The following SPATA13 variants were observed in gnomAD, a reference collection of about 807,000 sequenced individuals.
SPATA13 encodes spermatogenesis-associated protein 13.
In SPATA13, 50 loss-of-function variants were observed where a neutral mutation model predicts 104.0. That is an observed-to-expected ratio of 0.48 (90% confidence interval 0.38 to 0.61). The LOEUF is 0.61. Among genes scored for constraint, SPATA13 ranks in the 20% least tolerant of loss-of-function variants. The pLI is 0.00. For synonymous variants in SPATA13, 606 were observed against 667.5 expected, an observed-to-expected ratio of 0.91 and a Z score of 1.42; for missense variants, 1,524 against 1,690.6, an observed-to-expected ratio of 0.90 and a Z score of 1.73.
chr13:24,236,252 A>G (rs1379438742), intron 2 of SPATA13, among the ~76,000 whole-genome samples: 1 of 152,202 alleles, frequency 6.6e-6, no homozygotes, highest in Non-Finnish European at 1.5e-5. Flanking sequence ...GAGTTTTTAA[A>G]TTAAATGACA....
At chr13:24,282,587 C>G (rs946076276) in intron 4 of SPATA13, among the ~76,000 whole-genome samples, 3 of 152,182 alleles carry the variant, frequency 2.0e-5, no homozygotes, top group African/African-American at 7.2e-5. Flanking sequence ...CCTCGGGCAG[C>G]TCTTGTTGCT....
At chr13:24,300,307 A>T in intron 11 of SPATA13, 94 bp from the exon 12 acceptor site, 1 of 914,468 alleles carries the variant, frequency 1.1e-6, no homozygotes, top group South Asian at 1.7e-5. Context: ...GGTTGTGGTG[A>T]TAACCTCAAT....
intron 2 of SPATA13, among the ~76,000 whole-genome samples, chr13:24,010,202 G>A (rs1876405735): frequency 6.6e-6 from 1 of 152,178 alleles, no homozygotes; most frequent in South Asian, 2.1e-4. Context: ...CAATTTATAT[G>A]TGAGAGGGGA....
intron 1 of SPATA13, among the ~76,000 whole-genome samples, chr13:24,189,565 TTACA>T (rs1202049687): frequency 1.5e-4 from 20 of 130,800 alleles, no homozygotes; most frequent in Admixed American, 2.7e-4. Flanking sequence ...ATATTTAATA[TTACA>T]TACATACTAT....
chr13:24,269,167 T>C (rs1874431649), intron 4 of SPATA13, among the ~76,000 whole-genome samples: 2 of 152,134 alleles, frequency 1.3e-5, no homozygotes, highest in African/African-American at 4.8e-5. Flanking sequence ...TCTCGAGTAA[T>C]TCTGTGAGGA....
intron 3 of SPATA13, among the ~76,000 whole-genome samples, chr13:24,044,753 G>A (rs976499882): frequency 2.6e-5 from 4 of 152,134 alleles, no homozygotes; most frequent in Admixed American, 2.6e-4. Context: ...CAATGTGGAT[G>A]AACCTAGAGG....
chr13:24,290,137 G>T (rs771386762), intron 8 of SPATA13, among the ~76,000 whole-genome samples: 5 of 152,306 alleles, frequency 3.3e-5, no homozygotes, highest in Non-Finnish European at 5.9e-5. Context: ...GGACAGGGGA[G>T]TACTGCTGCC....
intron 3 of SPATA13, among the ~76,000 whole-genome samples, chr13:24,049,595 C>T (rs1248350583): frequency 1.3e-5 from 2 of 152,042 alleles, no homozygotes; most frequent in Non-Finnish European, 2.9e-5. Flanking sequence ...TGTAATGCAA[C>T]TTAAGCAGTA....
chr13:24,003,608 C>T (rs1016797289), intron 2 of SPATA13, among the ~76,000 whole-genome samples: 1 of 152,148 alleles, frequency 6.6e-6, no homozygotes, highest in Non-Finnish European at 1.5e-5. Context: ...CAGTTCTTTT[C>T]GTATTATATT....
chr13:24,016,005 G>A (rs1049773993), intron 2 of SPATA13, among the ~76,000 whole-genome samples: 1 of 152,154 alleles, frequency 6.6e-6, no homozygotes, highest in Non-Finnish European at 1.5e-5. Flanking sequence ...TGGAGGGTAC[G>A]CGGTGTGTAT....
At chr13:24,057,356 C>G (rs9551047) in intron 3 of SPATA13, among the ~76,000 whole-genome samples, 19,928 of 151,892 alleles carry the variant, frequency 0.13, 1,600 homozygotes, top group East Asian at 0.33. Flanking sequence ...TTGACAAAGT[C>G]CTGAATTTTC....
rs1315631749 is a variant in SPATA13 at position 24,089,000 on chromosome 13, A to G, written c.-112+71299A>G. Among the ~76,000 whole-genome samples, 1 of 152,228 alleles carries G rather than the reference A, an allele frequency of 6.6e-6. No homozygotes were observed. The highest frequency in any genetic ancestry group is 2.4e-5 in the African/African-American group (1 of 41,458). On this transcript the variant is annotated intron_variant, in intron 3 of 14. Coordinates refer to the SPATA13 transcript ENST00000424834. This position sits in a 1 kb window ranked among gnomAD's most constrained non-coding sequence, Gnocchi z 4.3. ...TGGGTTTATGACAAAAGAAACCTGC[A>G]CAAATGCTGATGAGGATGGGACACG...
At position 24,035,416 on chromosome 13, in the gene SPATA13, G is replaced by A. The variant is rs768992899; in HGVS notation, c.-112+17715G>A. ...TGATCTGCTGTCTCGGCCACCCGAA[G>A]TACTGGGATTACAGGTGTGAACCAC... On this transcript the variant is annotated intron_variant, in intron 3 of 14. Transcript: ENST00000424834. Among the ~76,000 whole-genome samples the A allele has an allele frequency of 5.1e-4, 77 of 152,210 alleles. 1 individual carries two copies. Among genetic ancestry groups the A allele is most frequent in the Admixed American group, 2.6e-4 (4 of 15,284 alleles).
intron 3 of SPATA13, among the ~76,000 whole-genome samples, chr13:24,145,588 G>A (rs1034235132): frequency 5.9e-5 from 9 of 152,336 alleles, no homozygotes; most frequent in African/African-American, 2.2e-4. Flanking sequence ...AACAGCATTT[G>A]TGTAGCTAGA....
intron 3 of SPATA13, among the ~76,000 whole-genome samples, chr13:24,106,507 G>T (rs928494934): frequency 7.9e-5 from 12 of 152,176 alleles, no homozygotes; most frequent in Non-Finnish European, 8.8e-5. Flanking sequence ...CCTCACTTCA[G>T]TTGAGCAGTT....
intron 2 of SPATA13, among the ~76,000 whole-genome samples, chr13:23,987,347 G>T (rs556645798): frequency 6.6e-6 from 1 of 152,272 alleles, no homozygotes; most frequent in African/African-American, 2.4e-5. Flanking sequence ...TACATTTTCA[G>T]TGGATAAAAG....
At chr13:24,278,791 G>T (rs1566187879) in intron 4 of SPATA13, 2 of 1,599,072 alleles carry the variant, frequency 1.3e-6, no homozygotes, top group Admixed American at 1.8e-5. Context: ...ATATAGAAAA[G>T]AAAAAAAATG....
intron 3 of SPATA13, among the ~76,000 whole-genome samples, chr13:24,137,296 G>C (rs7319130): frequency 0.52 from 79,050 of 151,954 alleles, 20,890 homozygotes; most frequent in Admixed American, 0.6. Flanking sequence ...CCCTGGGTTT[G>C]CCAGGGGCCT....
rs111690369 is a variant in SPATA13 at position 24,295,091 on chromosome 13, C to T, written c.3210+223C>T. Among the ~76,000 whole-genome samples, 146 of 152,230 alleles carry T rather than the reference C, an allele frequency of 9.6e-4. 2 individuals carry two copies. Among genetic ancestry groups the T allele is most frequent in the African/African-American group, 3.4e-3 (140 of 41,522 alleles). ...AGAAATAAAATCTGAAGAGTATCTG[C>T]AGTTAATTTATTGCTGAGCCTCTCT... On this transcript the variant is annotated intron_variant, in intron 10 of 12. Transcript: ENST00000382108.
Sources: allele counts gnomAD v4.1 joint callset (sites outside exome capture counted in the v4.1 genomes callset), GRCh38; gene constraint gnomAD v4.1.1; non-coding constraint Gnocchi (gnomAD v3.1); transcripts MANE v1.5; gene names NCBI Gene and HGNC (gene_info 2026-07-23, HGNC 2026-07-21).